LPAR1: variants seen among roughly 807,000 people sequenced by gnomAD.
The protein encoded by LPAR1 is LPA receptor 1.
In LPAR1, 5 loss-of-function variants were observed where a neutral mutation model predicts 23.8. The observed-to-expected ratio is 0.21, with a 90% confidence interval of 0.11 to 0.44. The LOEUF is 0.44. LPAR1 is among the 20% of genes least tolerant of loss of function. LPAR1 has a pLI of 0.99. For synonymous variants in LPAR1, 160 were observed against 164.7 expected (o/e 0.97, Z 0.22); for missense variants, 311 against 482.8 (o/e 0.64, Z 3.33).
intron 5 of LPAR1, among the ~76,000 whole-genome samples, chr9:110,909,169 T>C (rs2091964932): frequency 6.6e-6 from 1 of 152,226 alleles, no homozygotes; most frequent in Non-Finnish European, 1.5e-5. Context: ...GTCAGGGAGA[T>C]GGATTTGAGT....
intron 5 of LPAR1, among the ~76,000 whole-genome samples, chr9:110,893,363 C>T (rs1219243166): frequency 6.6e-6 from 1 of 152,140 alleles, no homozygotes; most frequent in African/African-American, 2.4e-5. Flanking sequence ...TGATAGTATA[C>T]ATAAGTGGAG....
chr9:110,941,498 A>C lies in LPAR1; in HGVS notation c.716T>G (p.Met239Arg). The C allele has an allele frequency of 6.2e-7, 1 of 1,614,064 alleles. No individual in the cohort carries two copies. The highest frequency in any genetic ancestry group is 8.5e-7 in the Non-Finnish European group (1 of 1,179,902). ...CCGGGGTCCAGAACTATGCCGAGAC[A>C]TTCTCATAGTCCTCTGGCGAACATA... ...FGYVRQRTMR[M>R]SRHSSGPRRN... Residue 239 changes from methionine (M) to arginine (R), a missense_variant, in exon 5 of 6, where the codon ATG becomes AGG. Met to Arg is a moderately conservative substitution (Grantham distance 91). Transcript: ENST00000683809. The surrounding 1 kb of genome is among the most constrained non-coding windows in gnomAD (Gnocchi z 6.1).
chr9:110,897,115 T>A (rs1221773712), intron 5 of LPAR1, among the ~76,000 whole-genome samples: 1 of 152,132 alleles, frequency 6.6e-6, no homozygotes, highest in Non-Finnish European at 1.5e-5. Context: ...TTTTCCTGAA[T>A]CCTGCCTTCC....
intron 4 of LPAR1, 118 bp downstream of exon 4, chr9:110,971,954 CA>C (rs1024643618): frequency 1.2e-6 from 1 of 862,480 alleles, no homozygotes; most frequent in Non-Finnish European, 1.9e-6. Context: ...GAATACACAC[CA>C]AATGATAGCG....
chr9:111,004,401 C>T (rs1450944115), intron 2 of LPAR1, among the ~76,000 whole-genome samples: 1 of 152,154 alleles, frequency 6.6e-6, no homozygotes, highest in African/African-American at 2.4e-5. Flanking sequence ...CCTACCCCAT[C>T]CTCCCTTTTC....
chr9:110,939,827 A>G (rs942945353), intron 5 of LPAR1, among the ~76,000 whole-genome samples: 10 of 152,240 alleles, frequency 6.6e-5, no homozygotes, highest in Non-Finnish European at 1.5e-4. Flanking sequence ...GTAATAGAAA[A>G]AGTTCATGCA....
At chr9:111,009,997 A>AT (rs1162627841) in intron 2 of LPAR1, among the ~76,000 whole-genome samples, 16 of 87,122 alleles carry the variant, frequency 1.8e-4, no homozygotes, top group African/African-American at 2.8e-4. Context: ...ATAATTAGGA[A>AT]AATATATATA....
At chr9:110,989,622 T>C (rs1016275403) in intron 2 of LPAR1, among the ~76,000 whole-genome samples, 13 of 152,120 alleles carry the variant, frequency 8.5e-5, no homozygotes, top group Admixed American at 6.6e-4. Context: ...TAAAGAATTA[T>C]GGCTAACAAT....
chr9:111,011,883 AAAT>A (rs1256909220), intron 2 of LPAR1, among the ~76,000 whole-genome samples: 4 of 152,208 alleles, frequency 2.6e-5, no homozygotes, highest in Non-Finnish European at 4.4e-5. Context: ...GTGAGATGGA[AAAT>A]AATAATAACT....
At chr9:110,974,571 A>C (rs1354450618) in intron 2 of LPAR1, among the ~76,000 whole-genome samples, 5 of 152,234 alleles carry the variant, frequency 3.3e-5, no homozygotes, top group Non-Finnish European at 7.3e-5. Flanking sequence ...CTGGCTGCTT[A>C]GAACTGTAGA....
Position 110,941,496 on chromosome 9 carries a change from A to G in LPAR1, c.718T>C (p.Ser240Pro). Residue 240 changes from serine (S) to proline (P), a missense_variant, in exon 5 of 6, where the codon TCT becomes CCT. Transcript: ENST00000683809. This position sits in a 1 kb window ranked among gnomAD's most constrained non-coding sequence, Gnocchi z 6.1. ...GYVRQRTMRM[S>P]RHSSGPRRNR... is the part of the protein sequence containing the mutation. ...CGCCGGGGTCCAGAACTATGCCGAGACATTCTCATAGTCCTCTGGCGAACA... is the reference window on the plus strand; with the variant it reads ...CGCCGGGGTCCAGAACTATGCCGAGGCATTCTCATAGTCCTCTGGCGAACA... The G allele has an allele frequency of 1.2e-6, 2 of 1,614,012 alleles. No individual in the cohort carries two copies. Among genetic ancestry groups the G allele is most frequent in the Middle Eastern group, 1.6e-4 (1 of 6,062 alleles).
intron 4 of LPAR1, among the ~76,000 whole-genome samples, chr9:110,959,361 A>G (rs2095874241): frequency 6.6e-6 from 1 of 152,058 alleles, no homozygotes; most frequent in South Asian, 2.1e-4. Flanking sequence ...GGAGGGCATC[A>G]TTTCAGCACT....
At chr9:111,025,641 T>C (rs748965251) in intron 2 of LPAR1, among the ~76,000 whole-genome samples, 4 of 152,232 alleles carry the variant, frequency 2.6e-5, no homozygotes, top group Non-Finnish European at 4.4e-5. Flanking sequence ...TCCTGAATGG[T>C]ATTGCTTGGG....
At chr9:110,988,428 A>G (rs2096833068) in intron 2 of LPAR1, among the ~76,000 whole-genome samples, 2 of 152,272 alleles carry the variant, frequency 1.3e-5, no homozygotes, top group South Asian at 4.1e-4. Context: ...AGGGACTTGT[A>G]TCCAGAATAA....
chr9:111,000,848 T>C (rs1350865689), intron 2 of LPAR1, among the ~76,000 whole-genome samples: 1 of 152,194 alleles, frequency 6.6e-6, no homozygotes, highest in Non-Finnish European at 1.5e-5. Context: ...GAAATACTCT[T>C]ATTCTCTCCT....
chr9:111,038,714 G>A (rs1483878838), upstream of LPAR1: 1 of 450,232 alleles, frequency 2.2e-6, no homozygotes, highest in Non-Finnish European at 4.5e-6. This position sits in a 1 kb window ranked among gnomAD's most constrained non-coding sequence, Gnocchi z 4.4. Flanking sequence ...TGGCTCGACA[G>A]CCCACGGTGG....
intron 5 of LPAR1, among the ~76,000 whole-genome samples, chr9:110,883,680 G>A (rs1367205761): frequency 7.7e-6 from 1 of 130,266 alleles, no homozygotes; most frequent in Admixed American, 8.1e-5. Context: ...ACTTCTAACT[G>A]CTTTTTCTTT....
chr9:110,875,238 G>T lies in LPAR1; in HGVS notation c.*183C>A. ...GATCAAGATGAGGGTTGTCACATAAGCTAATTTTCAATATATATCAAGTCT... is the reference window on the plus strand; with the variant it reads ...GATCAAGATGAGGGTTGTCACATAATCTAATTTTCAATATATATCAAGTCT... On this transcript the variant is annotated 3_prime_UTR_variant, in exon 6 of 6. Transcript: ENST00000683809. 1 of 528,554 alleles carries T rather than the reference G, an allele frequency of 1.9e-6. No homozygotes were observed. The highest frequency in any genetic ancestry group is 3.3e-6 in the Non-Finnish European group (1 of 302,342). 32.7% of individuals were successfully genotyped at this position (528,554 alleles called of 1,614,324 possible).
chr9:111,023,277 C>T (rs1405653694), intron 2 of LPAR1, among the ~76,000 whole-genome samples: 1 of 152,084 alleles, frequency 6.6e-6, no homozygotes, highest in East Asian at 1.9e-4. Flanking sequence ...ACCTGTCTTT[C>T]CCTTCCGGTT....
Sources: allele counts gnomAD v4.1 joint callset (sites outside exome capture counted in the v4.1 genomes callset), GRCh38; gene constraint gnomAD v4.1.1; non-coding constraint Gnocchi (gnomAD v3.1); transcripts MANE v1.5; gene names NCBI Gene and HGNC (gene_info 2026-07-23, HGNC 2026-07-21).